SUSD6: variants seen among roughly 807,000 people sequenced by gnomAD.
SUSD6 encodes sushi domain containing 6, also known as sushi domain-containing protein 6.
In SUSD6, 16 loss-of-function variants were observed where a neutral mutation model predicts 28.4. The observed-to-expected ratio is 0.56, with a 90% CI of 0.38 to 0.86. The LOEUF is 0.86. SUSD6 is among the 40% of genes least tolerant of loss of function. The pLI, the probability that SUSD6 is intolerant of heterozygous loss-of-function variation, is 0.00. For missense variants in SUSD6, 341 were observed against 384.2 expected (o/e 0.89, Z 0.94); for synonymous variants, 147 against 159.6 (o/e 0.92, Z 0.59).
rs1161827176 is a variant in SUSD6 at position 69,708,994 on chromosome 14, C to G, written c.776C>G (p.Ser259Cys). 3 of 1,614,152 alleles carry G rather than the reference C, an allele frequency of 1.9e-6. No homozygotes were observed. The highest frequency in any genetic ancestry group is 1.7e-6 in the Non-Finnish European group (2 of 1,180,042). The part of the protein sequence containing the change: ...TVMVHQATTS[S>C]WVAGSGNRQL... Reference sequence around the variant, plus strand: ...ATGGTGCATCAGGCAACCACCTCTTCCTGGGTGGCCGGCTCAGGGAACCGC... The same window carrying G: ...ATGGTGCATCAGGCAACCACCTCTTGCTGGGTGGCCGGCTCAGGGAACCGC... The change falls in exon 5 of 6, where the codon TCC becomes TGC. Residue 259 changes from serine (S) to cysteine (C), a missense_variant. Transcript: ENST00000342745.
intron 1 of SUSD6, among the ~76,000 whole-genome samples, chr14:69,647,081 G>A (rs924340306): frequency 3.3e-5 from 5 of 152,026 alleles, no homozygotes; most frequent in African/African-American, 1.2e-4. Flanking sequence ...CACATCACAG[G>A]CACTGAATGA....
chr14:69,650,885 T>C (rs1370880038), intron 1 of SUSD6, among the ~76,000 whole-genome samples: 3 of 152,204 alleles, frequency 2.0e-5, no homozygotes, highest in African/African-American at 7.2e-5. Context: ...TGTCCTGGGT[T>C]TGCTGCAATG....
intron 1 of SUSD6, among the ~76,000 whole-genome samples, chr14:69,629,368 C>A (rs1374133886): frequency 6.6e-6 from 1 of 152,090 alleles, no homozygotes; most frequent in Non-Finnish European, 1.5e-5. Context: ...CCTTTTAATC[C>A]CTGGTATTTA....
chr14:69,641,616 G>GTC (rs1456057488), intron 1 of SUSD6, among the ~76,000 whole-genome samples: 1 of 151,826 alleles, frequency 6.6e-6, no homozygotes, highest in Non-Finnish European at 1.5e-5. Context: ...TTGAGACAGG[G>GTC]TCTCGCTCTG....
intron 1 of SUSD6, among the ~76,000 whole-genome samples, chr14:69,642,994 A>G (rs929814817): frequency 7.9e-5 from 12 of 152,146 alleles, no homozygotes; most frequent in African/African-American, 2.7e-4. Flanking sequence ...CTGTTTTTTC[A>G]ACTGAGTGAC....
chr14:69,624,282 T>C (rs932001092), intron 1 of SUSD6, among the ~76,000 whole-genome samples: 2 of 152,244 alleles, frequency 1.3e-5, no homozygotes, highest in East Asian at 3.8e-4. Flanking sequence ...TAGTAGGCTA[T>C]GCCATTTAGG....
At chr14:69,654,969 A>G (rs1378700508) in intron 1 of SUSD6, among the ~76,000 whole-genome samples, 3 of 151,762 alleles carry the variant, frequency 2.0e-5, no homozygotes, top group Non-Finnish European at 4.4e-5. Context: ...TAATTTTTGT[A>G]TATCTAGTAG....
intron 1 of SUSD6, among the ~76,000 whole-genome samples, chr14:69,622,960 A>G (rs945786573): frequency 2.0e-5 from 3 of 152,210 alleles, no homozygotes; most frequent in Non-Finnish European, 4.4e-5. Flanking sequence ...CAAATGGGAA[A>G]GATAAGACCT....
intron 1 of SUSD6, among the ~76,000 whole-genome samples, chr14:69,637,864 A>C (rs1885287752): frequency 1.3e-5 from 2 of 152,008 alleles, no homozygotes. Context: ...CAGCATAGTC[A>C]CTTCAGTGCA....
At chr14:69,668,839 A>AC (rs570666547) in intron 2 of SUSD6, among the ~76,000 whole-genome samples, 40 of 149,694 alleles carry the variant, frequency 2.7e-4, no homozygotes, top group African/African-American at 9.8e-4. Flanking sequence ...AATATGTAGC[A>AC]CCCCCTCCCC....
intron 2 of SUSD6, among the ~76,000 whole-genome samples, chr14:69,701,764 C>A (rs1469797910): frequency 6.6e-6 from 1 of 152,138 alleles, no homozygotes; most frequent in Admixed American, 6.5e-5. Context: ...TTCTCTGGAT[C>A]CCTGTGGCAC....
intron 1 of SUSD6, among the ~76,000 whole-genome samples, chr14:69,651,870 T>C (rs1189154748): frequency 6.6e-6 from 1 of 152,162 alleles, no homozygotes; most frequent in Non-Finnish European, 1.5e-5. Flanking sequence ...TTCTCTTACT[T>C]ATCACACCCC....
At chr14:69,649,067 G>A (rs1390332303) in intron 1 of SUSD6, among the ~76,000 whole-genome samples, 1 of 152,140 alleles carries the variant, frequency 6.6e-6, no homozygotes, top group Non-Finnish European at 1.5e-5. Flanking sequence ...CTTTGTTCCT[G>A]TGTCCTCTGT....
chr14:69,621,523 C>A (rs544156551), intron 1 of SUSD6, among the ~76,000 whole-genome samples: 1 of 152,244 alleles, frequency 6.6e-6, no homozygotes, highest in East Asian at 1.9e-4. Flanking sequence ...ATAGGGTCCC[C>A]TTATTATGGG....
intron 2 of SUSD6, among the ~76,000 whole-genome samples, chr14:69,660,490 A>G (rs1214684530): frequency 6.6e-6 from 1 of 152,232 alleles, no homozygotes; most frequent in Non-Finnish European, 1.5e-5. Context: ...GGAAGAGAAG[A>G]CCAGGCTATA....
At position 69,708,902 on chromosome 14, in the gene SUSD6, A is replaced by G. The variant is rs1886422453; in HGVS notation, c.684A>G (p.Gly228=). 1 of 1,614,148 alleles carries G rather than the reference A, an allele frequency of 6.2e-7. No homozygotes were observed. Among genetic ancestry groups the G allele is most frequent in the Non-Finnish European group, 8.5e-7 (1 of 1,180,006 alleles). The change falls in exon 5 of 6, where the codon GGA becomes GGG. Residue 228 remains glycine (G), a synonymous_variant. Coordinates refer to ENST00000342745, the MANE Select transcript of SUSD6 (RefSeq NM_014734.4). ...AAGGGGCCTGCTCCTCTGCAGGTGGAGAAGATGAGGCCCCAGGCCAGTCTG... is the reference window on the plus strand; with the variant it reads ...AAGGGGCCTGCTCCTCTGCAGGTGGGGAAGATGAGGCCCCAGGCCAGTCTG... ...PDQGACSSAG[G]EDEAPGQSGL...
intron 1 of SUSD6, among the ~76,000 whole-genome samples, chr14:69,633,082 T>A (rs759828310): frequency 3.9e-5 from 6 of 152,208 alleles, no homozygotes; most frequent in Non-Finnish European, 5.9e-5. Flanking sequence ...GTAGAGGTGT[T>A]CCTTCAGGAT....
chr14:69,640,547 A>G (rs1477252147), intron 1 of SUSD6, among the ~76,000 whole-genome samples: 1 of 152,144 alleles, frequency 6.6e-6, no homozygotes, highest in East Asian at 1.9e-4. Context: ...TCTGTTGCCC[A>G]GGTGGTTTCA....
rs77709281 is a variant in SUSD6 at position 69,628,303 on chromosome 14, G to A, written c.-81+16475G>A. Among the ~76,000 whole-genome samples, 648 of 152,282 alleles carry A rather than the reference G, an allele frequency of 4.3e-3. 1 individual carries two copies. Among genetic ancestry groups the A allele is most frequent in the Middle Eastern group, 6.8e-3 (2 of 294 alleles). On this transcript the variant is annotated intron_variant, in intron 1 of 5. Coordinates refer to ENST00000342745, the MANE Select transcript of SUSD6 (RefSeq NM_014734.4). The stretch of plus-strand genomic sequence containing the variant: ...TCTCTCACCACGTGGGTCATTTGTG[G>A]TGGCAAAGTACAAAGTGACCAGCCT...
Sources: gnomAD v4.1 joint callset for allele counts (sites outside exome capture counted in the v4.1 genomes callset) on GRCh38, gnomAD v4.1.1 for gene constraint, MANE v1.5 for transcripts, NCBI Gene and HGNC (gene_info 2026-07-23, HGNC 2026-07-21) for gene names.